The following SNX29 variants were observed in gnomAD, a reference collection of about 807,000 sequenced individuals.
SNX29 encodes sorting nexin 29.
In SNX29, 78 loss-of-function variants were observed where a neutral mutation model predicts 102.1. The ratio of observed to expected loss-of-function variants is 0.76; its 90% confidence interval spans 0.64 to 0.92. SNX29 has a LOEUF of 0.92. Ranked by LOEUF, SNX29 falls within the 40% of genes least tolerant of loss-of-function variation. SNX29 has a pLI of 0.00. For synonymous variants in SNX29, 580 were observed against 414.5 expected, an observed-to-expected ratio of 1.40 and a Z score of -4.85; for missense variants, 1,280 against 1,061.7, an observed-to-expected ratio of 1.21 and a Z score of -2.86.
chr16:12,275,761 T>C (rs1473853952), intron 14 of SNX29, among the ~76,000 whole-genome samples: 2 of 151,812 alleles, frequency 1.3e-5, no homozygotes, highest in East Asian at 1.9e-4. Flanking sequence ...TTTTGACACA[T>C]AATAAATTGT....
intron 16 of SNX29, among the ~76,000 whole-genome samples, chr16:12,390,178 G>GTGTGTGTA (rs1303815035): frequency 5.5e-4 from 83 of 149,552 alleles, no homozygotes; most frequent in African/African-American, 1.9e-3. Flanking sequence ...GTGTGTGTGT[G>GTGTGTGTA]TGTATGTATA....
chr16:12,373,573 C>G (rs891311571), intron 16 of SNX29: 2 of 152,158 alleles, frequency 1.3e-5, no homozygotes, highest in African/African-American at 4.8e-5. Flanking sequence ...ATAGCACTCT[C>G]CTGCTTTATT....
At chr16:12,120,949 C>T (rs1192268643) in intron 11 of SNX29, among the ~76,000 whole-genome samples, 2 of 152,206 alleles carry the variant, frequency 1.3e-5, no homozygotes, top group Admixed American at 6.5e-5. Flanking sequence ...GTGTTCTGTG[C>T]CGAGGCCTTG....
At chr16:12,226,661 C>T (rs1468794910) in intron 14 of SNX29, among the ~76,000 whole-genome samples, 1 of 150,500 alleles carries the variant, frequency 6.6e-6, no homozygotes, top group African/African-American at 2.4e-5. Context: ...GCAACCTCTG[C>T]CTCCTGGGTT....
At chr16:12,050,780 T>G (rs1310296623) in intron 7 of SNX29, among the ~76,000 whole-genome samples, 2 of 152,114 alleles carry the variant, frequency 1.3e-5, no homozygotes, top group African/African-American at 4.8e-5. Flanking sequence ...GGCGCAATCT[T>G]GGCTCACTGC....
At chr16:12,491,903 C>T (rs1270127432) in intron 19 of SNX29, among the ~76,000 whole-genome samples, 2 of 152,268 alleles carry the variant, frequency 1.3e-5, no homozygotes, top group South Asian at 4.1e-4. Flanking sequence ...TGTATATGTG[C>T]CACATTTTCT....
chr16:12,210,366 T>A (rs2077151410), intron 14 of SNX29, among the ~76,000 whole-genome samples: 1 of 151,424 alleles, frequency 6.6e-6, no homozygotes, highest in African/African-American at 2.4e-5. Context: ...CTTGCTGTGT[T>A]GCCCAGGCTG....
chr16:12,067,979 A>G (rs2051112782), intron 9 of SNX29, among the ~76,000 whole-genome samples: 1 of 148,758 alleles, frequency 6.7e-6, no homozygotes, highest in African/African-American at 2.5e-5. Flanking sequence ...GCCTTTCCTA[A>G]ATGCACTTAA....
At chr16:12,194,425 G>T (rs1309002952) in intron 13 of SNX29, among the ~76,000 whole-genome samples, 1 of 152,128 alleles carries the variant, frequency 6.6e-6, no homozygotes, top group Non-Finnish European at 1.5e-5. Flanking sequence ...CTCTTGTGAA[G>T]AGGGAAAGTT....
At chr16:12,084,649 G>A (rs2052072670) in intron 11 of SNX29, among the ~76,000 whole-genome samples, 1 of 152,202 alleles carries the variant, frequency 6.6e-6, no homozygotes, top group African/African-American at 2.4e-5. Flanking sequence ...GGTTCCAGCT[G>A]AGTGGCCCCA....
At chr16:12,225,647 C>A (rs987858656) in intron 14 of SNX29, among the ~76,000 whole-genome samples, 4 of 152,150 alleles carry the variant, frequency 2.6e-5, no homozygotes, top group African/African-American at 9.7e-5. Flanking sequence ...CGGACTAATA[C>A]AGCATCCAGG....
chr16:12,153,394 C>G (rs530516204), intron 13 of SNX29, among the ~76,000 whole-genome samples: 1 of 152,160 alleles, frequency 6.6e-6, no homozygotes, highest in African/African-American at 2.4e-5. Context: ...TGTGTACAGT[C>G]TGGAGGCCCC....
intron 18 of SNX29, among the ~76,000 whole-genome samples, chr16:12,470,091 G>T (rs1404018502): frequency 6.6e-6 from 1 of 152,258 alleles, no homozygotes; most frequent in Non-Finnish European, 1.5e-5. Context: ...CACCTGACAG[G>T]TGCTGTGAAA....
rs745711895 is a variant in SNX29, at chr16:11,999,329, C to T, written c.40C>T (p.Leu14=). The T allele has an allele frequency of 6.2e-7, 1 of 1,614,110 alleles. No homozygotes were observed. The highest frequency in any genetic ancestry group is 1.1e-5 in the South Asian group (1 of 91,084). ...GAACAATGACAAAAGACAATTTCTG[C>T]TGGAGCGACTGCTGGATGCAGTGAA... ...SQNNDKRQFL[L]ERLLDAVKQC... Residue 14 remains leucine, a synonymous_variant, in exon 2 of 21, where the codon CTG becomes TTG. Transcript: ENST00000566228.
intron 10 of SNX29, 49 bp downstream of exon 10, chr16:12,069,181 A>T: frequency 1.3e-6 from 2 of 1,481,910 alleles, no homozygotes; most frequent in Non-Finnish European, 1.9e-6. Context: ...CATCCTATTC[A>T]CAGCTGTGCA....
intron 14 of SNX29, among the ~76,000 whole-genome samples, chr16:12,238,340 C>T (rs2078000009): frequency 6.7e-6 from 1 of 148,400 alleles, no homozygotes; most frequent in South Asian, 2.1e-4. Flanking sequence ...CTCGCTCTAT[C>T]ACGTAGGCTG....
intron 18 of SNX29, among the ~76,000 whole-genome samples, chr16:12,440,004 G>A (rs2085728756): frequency 6.6e-6 from 1 of 152,180 alleles, no homozygotes; most frequent in Admixed American, 6.5e-5. Context: ...TCTGCCTCCT[G>A]GAATTGCGTG....
chr16:12,485,907 G>C (rs1054761864), intron 19 of SNX29, among the ~76,000 whole-genome samples: 3 of 152,218 alleles, frequency 2.0e-5, no homozygotes, highest in African/African-American at 7.2e-5. Context: ...ATCTAGGAGA[G>C]GGAGTAGGTG....
intron 19 of SNX29, among the ~76,000 whole-genome samples, chr16:12,522,402 T>C (rs2090135915): frequency 6.6e-6 from 1 of 152,210 alleles, no homozygotes; most frequent in South Asian, 2.1e-4. Context: ...AACTCTTCTC[T>C]TCTTTTTATT....
Sources: allele counts gnomAD v4.1 joint callset (sites outside exome capture counted in the v4.1 genomes callset), GRCh38; gene constraint gnomAD v4.1.1; transcripts MANE v1.5; gene names NCBI Gene and HGNC (gene_info 2026-07-23, HGNC 2026-07-21).